LRRIQ3: variants seen among roughly 807,000 people sequenced by gnomAD.
LRRIQ3 encodes the protein leucine-rich repeat and IQ domain-containing protein 3.
LRRIQ3 carries 75 observed loss-of-function variants against 59.3 expected under a neutral mutation model. That is an observed-to-expected ratio of 1.26 (90% CI 1.05 to 1.53). The LOEUF (loss-of-function observed/expected upper bound fraction) is 1.53, where lower values mean the gene tolerates loss of function less well. Among genes scored for constraint, LRRIQ3 ranks in the 40% most tolerant of loss-of-function variants. The pLI, the probability that LRRIQ3 is intolerant of heterozygous loss-of-function variation, is 0.00. For missense variants in LRRIQ3, 831 were observed against 710.0 expected (o/e 1.17, Z -1.94); for synonymous variants, 250 against 231.3 (o/e 1.08, Z -0.73).
At chr1:74,171,915 T>C (rs1649345003) in intron 3 of LRRIQ3, among the ~76,000 whole-genome samples, 1 of 152,130 alleles carries the variant, frequency 6.6e-6, no homozygotes, top group South Asian at 2.1e-4. Context: ...TTTGTTGGAG[T>C]ATGTTTTAAA....
rs542889193 is a variant in LRRIQ3, at chr1:74,098,114, T to A, written c.867+11280A>T. ...CAATTAAAAGACACAGACTGGCAAATTGGATAAAGAGTCAAGACCCATCAG... is the reference window on the plus strand; with the variant it reads ...CAATTAAAAGACACAGACTGGCAAAATGGATAAAGAGTCAAGACCCATCAG... On this transcript the variant is annotated intron_variant, in intron 5 of 7. Coordinates refer to ENST00000354431, the MANE Select transcript of LRRIQ3 (RefSeq NM_001105659.2). 2.2e-3 allele frequency among the ~76,000 whole-genome samples: 333 copies of A among 152,114 alleles called. 1 individual carries two copies. The highest frequency in any genetic ancestry group is 7.8e-3 in the African/African-American group (324 of 41,500).
intron 4 of LRRIQ3, 46 bp from the exon 5 acceptor site, chr1:74,109,599 TA>T (rs1308399778): frequency 1.3e-6 from 2 of 1,485,836 alleles, no homozygotes; most frequent in South Asian, 1.3e-5. Context: ...TTTTTGCCAT[TA>T]AAAAACATGA....
intron 3 of LRRIQ3, among the ~76,000 whole-genome samples, chr1:74,157,225 C>G (rs911123322): frequency 1.3e-5 from 2 of 152,070 alleles, no homozygotes; most frequent in African/African-American, 4.8e-5. Context: ...CACAGAGAAA[C>G]TAGAGCCATC....
intron 6 of LRRIQ3, among the ~76,000 whole-genome samples, chr1:74,045,606 G>C (rs1408167415): frequency 2.6e-5 from 4 of 152,082 alleles, no homozygotes; most frequent in African/African-American, 7.2e-5. Flanking sequence ...GGAAGTTCTG[G>C]CCAGGGCAAT....
At chr1:74,155,660 G>A (rs1648274237) in intron 4 of LRRIQ3, 73 bp downstream of exon 4, 1 of 1,386,310 alleles carries the variant, frequency 7.2e-7, no homozygotes, top group Non-Finnish European at 9.7e-7. Flanking sequence ...AATTATTGGA[G>A]AATTGACTTC....
chr1:74,061,426 A>T (rs1245841466), intron 6 of LRRIQ3, among the ~76,000 whole-genome samples: 1 of 152,178 alleles, frequency 6.6e-6, no homozygotes, highest in Non-Finnish European at 1.5e-5. Context: ...GACATTCTTC[A>T]TTGAATTAGA....
intron 4 of LRRIQ3, among the ~76,000 whole-genome samples, chr1:74,131,255 T>C (rs917321295): frequency 3.3e-5 from 5 of 151,998 alleles, no homozygotes; most frequent in Non-Finnish European, 5.9e-5. Context: ...CCAAAAAAAG[T>C]CCAGGACCAG....
intron 5 of LRRIQ3, among the ~76,000 whole-genome samples, chr1:74,091,504 T>A (rs1230440415): frequency 6.6e-6 from 1 of 151,988 alleles, no homozygotes; most frequent in Non-Finnish European, 1.5e-5. Flanking sequence ...AACAAAAAAT[T>A]AAAATTTATT....
At chr1:74,173,821 T>A (rs56202150) in intron 3 of LRRIQ3, among the ~76,000 whole-genome samples, 48,076 of 151,964 alleles carry the variant, frequency 0.32, 8,479 homozygotes, top group Middle Eastern at 0.45. Flanking sequence ...ACTCCTTCAA[T>A]TTTTGTTTAT....
chr1:74,086,506 A>T (rs1211873432), intron 5 of LRRIQ3, among the ~76,000 whole-genome samples: 1 of 152,124 alleles, frequency 6.6e-6, no homozygotes, highest in African/African-American at 2.4e-5. Flanking sequence ...TGCTATAACC[A>T]TTCTGTCTCC....
At chr1:74,174,337 C>T (rs918897471) in intron 3 of LRRIQ3, among the ~76,000 whole-genome samples, 2 of 151,316 alleles carry the variant, frequency 1.3e-5, no homozygotes, top group African/African-American at 4.9e-5. Flanking sequence ...TCAGTTAATT[C>T]ATTATAACAC....
At chr1:74,117,531 C>T (rs1054014258) in intron 4 of LRRIQ3, among the ~76,000 whole-genome samples, 3 of 152,042 alleles carry the variant, frequency 2.0e-5, no homozygotes, top group East Asian at 1.9e-4. Flanking sequence ...TTTCGGAGGC[C>T]GAGGTGGGCA....
chr1:74,155,707 CA>C, intron 4 of LRRIQ3, 25 bp downstream of exon 4: 1 of 1,537,684 alleles, frequency 6.5e-7, no homozygotes, highest in African/African-American at 1.4e-5. Context: ...TTTCAATATT[CA>C]AATGGTAAAG....
chr1:74,053,293 G>T (rs1339710709), intron 6 of LRRIQ3, among the ~76,000 whole-genome samples: 1 of 150,082 alleles, frequency 6.7e-6, no homozygotes, highest in Non-Finnish European at 1.5e-5. Flanking sequence ...ACTCAGAGAA[G>T]AAAATGGAAG....
chr1:74,049,024 G>A lies in LRRIQ3; in HGVS notation c.998-7091C>T, dbSNP rs533854936. 1.3e-4 allele frequency among the ~76,000 whole-genome samples: 20 copies of A among 152,282 alleles called. No homozygotes were observed. The South Asian group carries it at 3.1e-3, about 24-fold the overall frequency. ...AATTAGATTGGGTGGATAGGAATGG[G>A]TTTTTAGAGGATATCTGATTTAACC... is the stretch of plus-strand genomic sequence containing the variant. On this transcript the variant is annotated intron_variant, in intron 6 of 7. Coordinates refer to ENST00000354431, the MANE Select transcript of LRRIQ3 (RefSeq NM_001105659.2).
chr1:74,072,193 A>G (rs1655045961), intron 6 of LRRIQ3, among the ~76,000 whole-genome samples: 1 of 152,112 alleles, frequency 6.6e-6, no homozygotes, highest in Non-Finnish European at 1.5e-5. Context: ...AAATTAATCT[A>G]TACTCTGTCA....
At chr1:74,150,844 T>C (rs186297148) in intron 4 of LRRIQ3, among the ~76,000 whole-genome samples, 9 of 152,212 alleles carry the variant, frequency 5.9e-5, no homozygotes, top group African/African-American at 1.2e-4. Flanking sequence ...CTGATACTTA[T>C]ATATCCAAGT....
rs532397545 is a variant in LRRIQ3 at position 74,175,130 on chromosome 1, C to T, written c.573+7408G>A. Among the ~76,000 whole-genome samples, 247 of 152,288 alleles carry T rather than the reference C, an allele frequency of 1.6e-3. 5 individuals carry two copies. In the South Asian group the frequency reaches 0.05, roughly 31 times the overall value. Reference sequence around the variant, plus strand: ...TGGTGTCTATGGCTGGTGAAGCCTGCTGACCAGCGTCTACTGGCTCTGAAG... The same window carrying T: ...TGGTGTCTATGGCTGGTGAAGCCTGTTGACCAGCGTCTACTGGCTCTGAAG... On this transcript the variant is annotated intron_variant, in intron 3 of 7. Transcript: ENST00000354431.
intron 3 of LRRIQ3, among the ~76,000 whole-genome samples, chr1:74,162,304 TC>T (rs1439954973): frequency 6.6e-6 from 1 of 151,728 alleles, no homozygotes; most frequent in Non-Finnish European, 1.5e-5. Flanking sequence ...AATTATGAAA[TC>T]AACAAATTAA....
Sources: gnomAD v4.1 joint callset for allele counts (sites outside exome capture counted in the v4.1 genomes callset) on GRCh38, gnomAD v4.1.1 for gene constraint, MANE v1.5 for transcripts, NCBI Gene and HGNC (gene_info 2026-07-23, HGNC 2026-07-21) for gene names.